The following IL34 variants were observed in gnomAD, a reference collection of about 807,000 sequenced individuals.
The protein encoded by IL34 is interleukin 34, also known as interleukin-34.
Under a neutral mutation model 25.3 loss-of-function variants are expected in IL34, and 17 were observed. The ratio of observed to expected loss-of-function variants is 0.67; its 90% CI spans 0.46 to 1.01. The LOEUF (loss-of-function observed/expected upper bound fraction) is 1.01, where lower values mean the gene tolerates loss of function less well. Among genes scored for constraint, IL34 ranks in the 50% least tolerant of loss-of-function variants. The pLI is 0.00. For synonymous variants in IL34, 174 were observed against 140.9 expected (o/e 1.23, Z -1.66); for missense variants, 368 against 312.9 (o/e 1.18, Z -1.33).
intron 1 of IL34, among the ~76,000 whole-genome samples, chr16:70,647,808 C>G (rs11866663): frequency 0.023 from 3,574 of 152,232 alleles, 140 homozygotes; most frequent in African/African-American, 0.083. Context: ...AAATATACAA[C>G]AAAGGGTTGG....
At chr16:70,600,878 GGATGCTGGGAGAAGTAGGA>G (rs1333932273) in intron 1 of IL34, among the ~76,000 whole-genome samples, 1 of 129,584 alleles carries the variant, frequency 7.7e-6, no homozygotes, top group Non-Finnish European at 1.5e-5. Context: ...GAGAAGTAGG[GGATGCTGGGAGAAGTAGGA>G]GATGCTGGGA....
chr16:70,618,879 G>T (rs999413966), intron 1 of IL34, among the ~76,000 whole-genome samples: 3 of 152,008 alleles, frequency 2.0e-5, no homozygotes, highest in Non-Finnish European at 4.4e-5. Context: ...GCTTGATGGG[G>T]GTCAGGGTCA....
intron 1 of IL34, among the ~76,000 whole-genome samples, chr16:70,648,591 A>G (rs1402885108): frequency 1.4e-5 from 2 of 146,818 alleles, no homozygotes; most frequent in African/African-American, 2.5e-5. Context: ...AAAGAAAAAG[A>G]GAGAAAGAAA....
intron 1 of IL34, among the ~76,000 whole-genome samples, chr16:70,623,948 C>G (rs914186331): frequency 1.6e-5 from 2 of 122,384 alleles, no homozygotes; most frequent in African/African-American, 5.9e-5. Context: ...GGGTAGCCTC[C>G]GTATTGATTA....
intron 5 of IL34, 71 bp from the exon 6 acceptor site, chr16:70,659,926 G>A (rs989262229): frequency 6.1e-5 from 91 of 1,495,718 alleles, no homozygotes; most frequent in Middle Eastern, 3.6e-4. Flanking sequence ...AAGCACATGC[G>A]GCTTGGCTTA....
intron 1 of IL34, among the ~76,000 whole-genome samples, chr16:70,585,087 A>G (rs2151802948): frequency 6.6e-6 from 1 of 152,276 alleles, no homozygotes; most frequent in East Asian, 1.9e-4. Flanking sequence ...GAAACTCTCT[A>G]TTAAATGACT....
At chr16:70,585,205 C>T (rs971333381) in intron 1 of IL34, among the ~76,000 whole-genome samples, 34 of 152,184 alleles carry the variant, frequency 2.2e-4, no homozygotes, top group African/African-American at 8.0e-4. Flanking sequence ...GAATCATAAT[C>T]ATACAATATT....
chr16:70,623,805 T>G (rs1239580374), intron 1 of IL34, among the ~76,000 whole-genome samples: 1 of 149,398 alleles, frequency 6.7e-6, no homozygotes. Context: ...CTAAAAGGAG[T>G]GCTTAAAAGA....
chr16:70,615,314 C>T (rs1031455866), intron 1 of IL34, among the ~76,000 whole-genome samples: 2 of 152,008 alleles, frequency 1.3e-5, no homozygotes, highest in African/African-American at 4.8e-5. Flanking sequence ...CGAAACCATT[C>T]TGGCTAACAT....
chr16:70,599,304 C>CTTTCTTTCTTTCTTTCTTTCTTTCTTT (rs372428379), intron 1 of IL34, among the ~76,000 whole-genome samples: 6 of 126,026 alleles, frequency 4.8e-5, no homozygotes, highest in African/African-American at 1.2e-4. Context: ...TTCTTTCTTT[C>CTTTCTTTCTTTCTTTCTTTCTTTCTTT]CTTCTTTCTT....
chr16:70,660,249 G>T lies in IL34; in HGVS notation c.*62G>T. ...ACCAGCTCCCACAGGAGTTCAACTG[G>T]GTCTGAGACTTCAAGGGGTGGTGGT... On this transcript the variant is annotated 3_prime_UTR_variant, in exon 6 of 6. Transcript: ENST00000288098. The T allele has an allele frequency of 4.9e-6, 7 of 1,434,416 alleles. No homozygotes were observed. The highest frequency in any genetic ancestry group is 6.5e-6 in the Non-Finnish European group (7 of 1,073,768). 88.9% of individuals were successfully genotyped at this position (1,434,416 alleles called of 1,614,324 possible). A position where few individuals can be genotyped will look rare whatever the true frequency, so the allele number is the denominator to read the frequency against.
intron 1 of IL34, among the ~76,000 whole-genome samples, chr16:70,626,788 G>T (rs1340190353): frequency 6.6e-6 from 1 of 152,054 alleles, no homozygotes; most frequent in East Asian, 1.9e-4. Context: ...TTGAGGAGTA[G>T]GTCTAATTTT....
chr16:70,604,144 T>A (rs1872084070), intron 1 of IL34, among the ~76,000 whole-genome samples: 1 of 152,156 alleles, frequency 6.6e-6, no homozygotes, highest in Non-Finnish European at 1.5e-5. Context: ...TAACAGCAAA[T>A]CCAACCATGA....
chr16:70,623,767 A>C (rs1341429984), intron 1 of IL34, among the ~76,000 whole-genome samples: 1 of 151,486 alleles, frequency 6.6e-6, no homozygotes, highest in Non-Finnish European at 1.5e-5. Context: ...GTCTCGGCCT[A>C]ATAAGGGAAC....
intron 1 of IL34, among the ~76,000 whole-genome samples, chr16:70,636,175 A>T (rs1488076974): frequency 4.6e-5 from 7 of 151,918 alleles, no homozygotes; most frequent in African/African-American, 1.7e-4. Context: ...AGTAGCTGGG[A>T]TTACAGGTGT....
chr16:70,654,511 T>G, intron 1 of IL34, 27 bp from the exon 2 acceptor site: 1 of 1,588,342 alleles, frequency 6.3e-7, no homozygotes, highest in Non-Finnish European at 8.6e-7. Flanking sequence ...AGGGTGCTCA[T>G]GTGCTCTTGT....
intron 1 of IL34, among the ~76,000 whole-genome samples, chr16:70,641,131 G>A (rs1033540255): frequency 3.9e-5 from 6 of 151,940 alleles, no homozygotes; most frequent in African/African-American, 1.5e-4. Context: ...AAAATCAGCC[G>A]GAAGTGGTGG....
intron 1 of IL34, among the ~76,000 whole-genome samples, chr16:70,593,018 G>A (rs1241585348): frequency 6.6e-6 from 1 of 151,964 alleles, no homozygotes; most frequent in African/African-American, 2.4e-5. Context: ...ATAGAGACGG[G>A]GTTTCACCAT....
upstream of IL34, among the ~76,000 whole-genome samples, chr16:70,646,329 C>A (rs540394098): frequency 6.6e-6 from 1 of 152,146 alleles, no homozygotes; most frequent in Admixed American, 6.5e-5. Flanking sequence ...CTTGGTCCTG[C>A]TTTTGTTCAG....
Sources: gnomAD v4.1 joint callset for allele counts (sites outside exome capture counted in the v4.1 genomes callset) on GRCh38, gnomAD v4.1.1 for gene constraint, MANE v1.5 for transcripts, NCBI Gene and HGNC (gene_info 2026-07-23, HGNC 2026-07-21) for gene names.